FLT4: variants seen among roughly 807,000 people sequenced by gnomAD.
The protein encoded by FLT4 is vascular endothelial growth factor receptor 3.
FLT4 carries 30 observed loss-of-function variants against 163.2 expected under a neutral mutation model. The observed-to-expected ratio is 0.18, with a 90% CI of 0.14 to 0.25. The LOEUF (loss-of-function observed/expected upper bound fraction) is 0.25. Among genes scored for constraint, FLT4 ranks in the 10% least tolerant of loss-of-function variants. The pLI, the probability that FLT4 is intolerant of heterozygous loss-of-function variation, is 1.00. For missense variants in FLT4, 1,510 were observed against 1,863.8 expected (o/e 0.81, Z 3.50); for synonymous variants, 884 against 789.5 (o/e 1.12, Z -2.01).
chr5:180,630,306 G>A lies in FLT4; in HGVS notation c.432C>T (p.Asp144=), dbSNP rs779244064. 9.3e-6 allele frequency: 15 copies of A among 1,611,802 alleles called. No homozygotes were observed. The African/African-American group carries it at 1.7e-4, about 19-fold the overall frequency. ...CGTCCTTCCTGTTGACCAAGAGCGT[G>A]TCAGGCTTGTTGATGAATGGCTGCT... ...DFEQPFINKP[D]TLLVNRKDAM... is the part of the protein sequence containing the mutation. Residue 144 remains aspartate (D), a synonymous_variant, in exon 4 of 30, where the codon GAC becomes GAT. Transcript: ENST00000261937. The surrounding 1 kb of genome is among the most constrained non-coding windows in gnomAD (Gnocchi z 6.3).
At position 180,602,959 on chromosome 5, in the gene FLT4, G is replaced by T; in HGVS notation, c.*233C>A. On this transcript the variant is annotated 3_prime_UTR_variant, in exon 30 of 30. Transcript: ENST00000261937. ...TGAACTAAATGACATCTGAATCTCA[G>T]GGGGAGGGGCCGGGGCAGCTGGAGC... 1.7e-6 allele frequency: 1 copy of T among 598,348 alleles called. No homozygotes were observed. Among genetic ancestry groups the T allele is most frequent in the Non-Finnish European group, 3.0e-6 (1 of 335,148 alleles). 37.1% of individuals were successfully genotyped at this position (598,348 alleles called of 1,614,324 possible).
upstream of FLT4, among the ~76,000 whole-genome samples, chr5:180,650,246 C>A (rs1352870428): frequency 6.6e-6 from 1 of 151,578 alleles, no homozygotes; most frequent in East Asian, 1.9e-4. Flanking sequence ...ACAGTGTCGA[C>A]GGAAGCCGCA....
intron 10 of FLT4, among the ~76,000 whole-genome samples, chr5:180,625,465 G>C (rs1391382979): frequency 1.3e-5 from 2 of 152,232 alleles, no homozygotes; most frequent in Non-Finnish European, 2.9e-5. Flanking sequence ...GTGGGGCTCA[G>C]TGCAACCATC....
Position 180,620,739 on chromosome 5 carries a change from C to CGTGTGT in FLT4, c.2300-30_2300-25dup, listed in dbSNP as rs57822329. 1,681 of 1,532,976 alleles carry CGTGTGT rather than the reference C, an allele frequency of 1.1e-3. No individual in the cohort carries two copies. The highest frequency in any genetic ancestry group is 2.4e-3 in the Middle Eastern group (14 of 5,730). 95.0% of individuals were successfully genotyped at this position (1,532,976 alleles called of 1,614,324 possible). A position where few individuals can be genotyped will look rare whatever the true frequency, so the allele number is the denominator to read the frequency against. On this transcript the variant is annotated intron_variant, in intron 15 of 29. Transcript: ENST00000261937. The surrounding 1 kb of genome is among the most constrained non-coding windows in gnomAD (Gnocchi z 4.4). Reference sequence around the variant, plus strand: ...GCCTGCGTGGGCAGAAAGGGGCCGGCGTGTGTGTGTGTGTGTGTAAGAGCG... The same window carrying CGTGTGT: ...GCCTGCGTGGGCAGAAAGGGGCCGGCGTGTGTGTGTGTGTGTGTGTGTGTAAGAGCG...
At chr5:180,609,544 G>C in intron 28 of FLT4, 1 of 367,158 alleles carries the variant, frequency 2.7e-6, no homozygotes, top group Non-Finnish European at 5.1e-6. Flanking sequence ...CTGGAGGCAG[G>C]AACCCAGGTC....
chr5:180,611,632 G>T, intron 26 of FLT4, 153 bp from the exon 27 acceptor site: 1 of 794,122 alleles, frequency 1.3e-6, no homozygotes, highest in Non-Finnish European at 2.0e-6. Context: ...CCCTCGCCCT[G>T]CCCTCAGCCC....
chr5:180,603,347 G>A lies in FLT4; in HGVS notation c.3937C>T (p.Pro1313Ser), dbSNP rs766508041. 2.5e-6 allele frequency: 4 copies of A among 1,614,086 alleles called. No homozygotes were observed. In the South Asian group the frequency reaches 4.4e-5, roughly 18 times the overall value. Reference protein sequence around the residue: ...GQNVAVTRAHPDSQGRRRRPE... With the variant: ...GQNVAVTRAHSDSQGRRRRPE... Reference sequence around the variant, plus strand: ...CGCCGCCGCCTCCCTTGGGAGTCAGGGTGTGCCCTGGTCACAGCCACATTC... The same window carrying A: ...CGCCGCCGCCTCCCTTGGGAGTCAGAGTGTGCCCTGGTCACAGCCACATTC... Residue 1313 changes from proline (P) to serine (S), a missense_variant, in exon 30 of 30, where the codon CCT (proline) becomes TCT (serine). Physicochemically the swap from Pro to Ser is moderately conservative, Grantham distance 74. Around this residue, in one of 5 missense-constraint regions of FLT4, gnomAD observed 295 missense variants for 311.0 expected, o/e 0.95. Transcript: ENST00000261937.
chr5:180,628,090 A>G (rs936718003), intron 8 of FLT4, among the ~76,000 whole-genome samples: 4 of 152,076 alleles, frequency 2.6e-5, no homozygotes, highest in African/African-American at 7.2e-5. Flanking sequence ...GGCTGAAGAG[A>G]AGGAGGCTCT....
upstream of FLT4, chr5:180,649,677 C>T (rs1044187743): frequency 3.7e-5 from 10 of 272,990 alleles, no homozygotes; most frequent in Non-Finnish European, 5.3e-5. Flanking sequence ...ATTCAGGCCG[C>T]TCCCCGCGCC....
rs569266774 is a variant in FLT4 at position 180,648,470 on chromosome 5, G to A, written c.58+1018C>T. On this transcript the variant is annotated intron_variant, in intron 1 of 29. Coordinates refer to ENST00000261937, the MANE Select transcript of FLT4 (RefSeq NM_182925.5). Reference sequence around the variant, plus strand: ...TGAGAATTACAAGCATGTAAAGCCAGTATTTAATTCCTATGGCGTGCAGAA... The same window carrying A: ...TGAGAATTACAAGCATGTAAAGCCAATATTTAATTCCTATGGCGTGCAGAA... Among the ~76,000 whole-genome samples, 48 of 152,332 alleles carry A rather than the reference G, an allele frequency of 3.2e-4. 1 individual carries two copies. In the South Asian group the frequency reaches 9.5e-3, roughly 30 times the overall value.
At chr5:180,642,349 G>A (rs374271890) in intron 1 of FLT4, among the ~76,000 whole-genome samples, 1 of 152,162 alleles carries the variant, frequency 6.6e-6, no homozygotes, top group African/African-American at 2.4e-5. Flanking sequence ...GGGCCTCGCT[G>A]GTGGGAGAGG....
At position 180,619,058 on chromosome 5, in the gene FLT4, A is replaced by G; in HGVS notation, c.2813T>C (p.Phe938Ser). The G allele has an allele frequency of 6.4e-7, 1 of 1,559,778 alleles. No homozygotes were observed. Among genetic ancestry groups the G allele is most frequent in the Non-Finnish European group, 8.7e-7 (1 of 1,153,968 alleles). The change falls in exon 20 of 30, where the codon TTC (phenylalanine) becomes TCC (serine). Residue 938 changes from phenylalanine to serine, a missense_variant. By Grantham distance (155) the Phe-to-Ser change is radical. Transcript: ENST00000261937. The stretch of plus-strand genomic sequence containing the variant: ...GAAGGCGTCCCGCTTGGCGCGCAGG[A>G]AGTTGGAGAGGTTGCCGTACTTGCA... ...EFCKYGNLSN[F>S]LRAKRDAFSP...
chr5:180,619,031 C>G lies in FLT4; in HGVS notation c.2840G>C (p.Ser947Thr). ...AGGCCGCCCGCTCACCGCGCAGGGG[C>G]TGAAGGCGTCCCGCTTGGCGCGCAG... ...NFLRAKRDAF[S>T]PCAEKSPEQR... Residue 947 changes from serine to threonine, a missense_variant, in exon 20 of 30, where the codon AGC becomes ACC. Ser to Thr is a moderately conservative substitution (Grantham distance 58, BLOSUM62 1). This residue lies in a region of FLT4 where 878 missense variants were observed against 1,016.7 expected (regional missense o/e 0.86). Coordinates refer to ENST00000261937, the MANE Select transcript of FLT4 (RefSeq NM_182925.5). 6.4e-7 allele frequency: 1 copy of G among 1,553,430 alleles called. No individual in the cohort carries two copies. Among genetic ancestry groups the G allele is most frequent in the African/African-American group, 1.4e-5 (1 of 72,764 alleles).
chr5:180,612,957 C>A, intron 25 of FLT4, 54 bp downstream of exon 25: 2 of 1,391,398 alleles, frequency 1.4e-6, no homozygotes, highest in South Asian at 1.2e-5. Flanking sequence ...ACACAACCCC[C>A]ACGCCCCCGA....
chr5:180,629,232 C>G (rs1262163960), intron 7 of FLT4, 27 bp downstream of exon 7: 1 of 1,612,268 alleles, frequency 6.2e-7, no homozygotes, highest in African/African-American at 1.3e-5. Context: ...CCACAGGGCA[C>G]AAGGACCCTG....
intron 1 of FLT4, 51 bp downstream of exon 1, chr5:180,649,437 C>T (rs1240745366): frequency 1.5e-6 from 2 of 1,372,524 alleles, no homozygotes; most frequent in African/African-American, 3.0e-5. Context: ...CGCGGTACCC[C>T]CTCCCCGGCC....
upstream of FLT4, among the ~76,000 whole-genome samples, chr5:180,650,266 G>A (rs1223878468): frequency 6.6e-6 from 1 of 151,742 alleles, no homozygotes; most frequent in African/African-American, 2.4e-5. Context: ...ACCCGTGAGC[G>A]GGACACCCGG....
At chr5:180,631,297 C>T (rs1333603560) in intron 2 of FLT4, among the ~76,000 whole-genome samples, 2 of 151,964 alleles carry the variant, frequency 1.3e-5, no homozygotes, top group African/African-American at 4.8e-5. Context: ...CACGGTGAAA[C>T]CCCGTCTCTA....
intron 1 of FLT4, 138 bp downstream of exon 1, chr5:180,649,350 C>T: frequency 1.8e-6 from 1 of 568,102 alleles, no homozygotes; most frequent in Non-Finnish European, 2.7e-6. Context: ...CCGTGCTCCC[C>T]TCAGGCGTCC....
Sources: allele counts gnomAD v4.1 joint callset (sites outside exome capture counted in the v4.1 genomes callset), GRCh38; gene constraint gnomAD v4.1.1; regional missense constraint gnomAD v4.1.1; non-coding constraint Gnocchi (gnomAD v3.1); transcripts MANE v1.5; gene names NCBI Gene and HGNC (gene_info 2026-07-23, HGNC 2026-07-21).